The following SAMD12 variants were observed in gnomAD, a reference collection of about 807,000 sequenced individuals.
SAMD12 encodes the protein sterile alpha motif domain-containing protein 12.
A neutral mutation model predicts 15.0 loss-of-function variants in SAMD12; 9 were observed. The observed-to-expected ratio is 0.60, with a 90% CI of 0.36 to 1.05. The LOEUF is 1.05. Ranked by LOEUF, SAMD12 falls within the 50% of genes least tolerant of loss-of-function variation. The pLI, the probability that SAMD12 is intolerant of heterozygous loss-of-function variation, is 0.01. For synonymous variants in SAMD12, 86 were observed against 90.1 expected (o/e 0.96, Z 0.25); for missense variants, 230 against 234.2 (o/e 0.98, Z 0.12).
At chr8:118,374,736 G>C (rs959233948), downstream of SAMD12, among the ~76,000 whole-genome samples, 1 of 152,076 alleles carries the variant, frequency 6.6e-6, no homozygotes, top group Non-Finnish European at 1.5e-5. Context: ...GTGATGTTGA[G>C]CATCACTTCA....
intron 2 of SAMD12, among the ~76,000 whole-genome samples, chr8:118,448,996 C>T (rs1172867323): frequency 1.3e-5 from 2 of 152,112 alleles, no homozygotes; most frequent in African/African-American, 4.8e-5. Context: ...CACCGGCATC[C>T]TCTTCTGCTG....
At chr8:118,447,275 T>TTTCC (rs143452297) in intron 2 of SAMD12, among the ~76,000 whole-genome samples, 3,894 of 152,234 alleles carry the variant, frequency 0.026, 75 homozygotes, top group Middle Eastern at 0.048. Flanking sequence ...CATCCTGTTC[T>TTTCC]TTCCTTCCTT....
rs565027818 is a variant in SAMD12 at position 118,225,951 on chromosome 8, T to G, written c.434-28219A>C. On this transcript the variant is annotated intron_variant, in intron 4 of 4. Transcript: ENST00000409003. ...AGCAGCTTCGATCACCTCCTCAGGC[T>G]CTGCAGGAACTGAGTCTCAAGATAC... Among the ~76,000 whole-genome samples, 4 of 152,190 alleles carry G rather than the reference T, an allele frequency of 2.6e-5. No homozygotes were observed. The East Asian group carries it at 7.7e-4, about 29-fold the overall frequency.
chr8:118,426,656 A>T (rs2130859856), intron 3 of SAMD12, among the ~76,000 whole-genome samples: 1 of 152,346 alleles, frequency 6.6e-6, no homozygotes, highest in Non-Finnish European at 1.5e-5. Context: ...TACTATCACT[A>T]AATAAATTTT....
chr8:118,562,344 A>G (rs1166151616), intron 2 of SAMD12, among the ~76,000 whole-genome samples: 1 of 152,146 alleles, frequency 6.6e-6, no homozygotes, highest in Admixed American at 6.5e-5. Flanking sequence ...CAAGGAGGGG[A>G]ATAGTAAGAA....
At chr8:118,226,077 C>T (rs1433815524) in intron 4 of SAMD12, among the ~76,000 whole-genome samples, 1 of 152,172 alleles carries the variant, frequency 6.6e-6, no homozygotes, top group Non-Finnish European at 1.5e-5. Flanking sequence ...CTGTGTCAGG[C>T]ACTGTCCGAA....
intron 2 of SAMD12, among the ~76,000 whole-genome samples, chr8:118,494,386 T>C (rs1824540483): frequency 6.6e-6 from 1 of 152,234 alleles, no homozygotes; most frequent in Non-Finnish European, 1.5e-5. Flanking sequence ...CAGGAAAATA[T>C]ATACAACAGC....
chr8:118,183,879 C>T, the SAMD12 span, among the ~76,000 whole-genome samples: 1 of 152,178 alleles, frequency 6.6e-6, no homozygotes, highest in African/African-American at 2.4e-5. Flanking sequence ...CTCTGTATGC[C>T]TTTGCATACC....
Position 118,379,310 on chromosome 8 carries a change from T to G in SAMD12, c.*107A>C. 6.7e-7 allele frequency: 1 copy of G among 1,488,276 alleles called. No homozygotes were observed. The highest frequency in any genetic ancestry group is 8.9e-7 in the Non-Finnish European group (1 of 1,123,548). 92.2% of individuals were successfully genotyped at this position (1,488,276 alleles called of 1,614,324 possible). A position where few individuals can be genotyped will look rare whatever the true frequency, so the allele number is the denominator to read the frequency against. On this transcript the variant is annotated 3_prime_UTR_variant, in exon 4 of 4. Coordinates refer to ENST00000314727, the MANE Select transcript of SAMD12 (RefSeq NM_207506.3). ...AGTACACAATCCATACAACTGTACGTGACCACCTTGAAGTTAGCTCAGGTA... is the reference window on the plus strand; with the variant it reads ...AGTACACAATCCATACAACTGTACGGGACCACCTTGAAGTTAGCTCAGGTA...
At chr8:118,228,912 A>G (rs998220795) in intron 4 of SAMD12, among the ~76,000 whole-genome samples, 2 of 152,238 alleles carry the variant, frequency 1.3e-5, no homozygotes, top group African/African-American at 4.8e-5. Context: ...CAATGAGTGG[A>G]TAAGGAAACT....
chr8:118,410,569 T>C (rs558568057), intron 3 of SAMD12, among the ~76,000 whole-genome samples: 2 of 152,318 alleles, frequency 1.3e-5, no homozygotes, highest in East Asian at 3.9e-4. Context: ...AGGAGGAAGA[T>C]ACCCACTACA....
At chr8:118,536,844 G>A (rs1825858893) in intron 2 of SAMD12, among the ~76,000 whole-genome samples, 1 of 152,090 alleles carries the variant, frequency 6.6e-6, no homozygotes, top group African/African-American at 2.4e-5. Flanking sequence ...GTTTTTCTGT[G>A]TACTTACTAT....
Position 118,561,578 on chromosome 8 carries a change from A to G in SAMD12, c.192+19137T>C, listed in dbSNP as rs549655916. Among the ~76,000 whole-genome samples the G allele has an allele frequency of 4.6e-5, 7 of 152,334 alleles. No individual in the cohort carries two copies. In the East Asian group the frequency reaches 1.4e-3, roughly 29 times the overall value. On this transcript the variant is annotated intron_variant, in intron 2 of 3. Coordinates refer to ENST00000314727, the MANE Select transcript of SAMD12 (RefSeq NM_207506.3). ...CCTTCTTCACATGGCAGCAGCAAGG[A>G]AAAGTACAGGGTGAAGGTGGGGGAA...
Position 118,295,117 on chromosome 8 carries a change from T to C in SAMD12, c.433+84443A>G, listed in dbSNP as rs560309253. On this transcript the variant is annotated intron_variant, in intron 4 of 4. Coordinates refer to the SAMD12 transcript ENST00000409003. The stretch of plus-strand genomic sequence containing the variant: ...TACAAAGGGAATGGAACTTGTCAAT[T>C]TTTGGCATACAATTCACTTAGAATT... 2.0e-4 allele frequency among the ~76,000 whole-genome samples: 30 copies of C among 152,250 alleles called. No individual in the cohort carries two copies. The East Asian group carries it at 4.8e-3, about 24-fold the overall frequency.
At chr8:118,400,890 G>T (rs1485227834) in intron 3 of SAMD12, among the ~76,000 whole-genome samples, 1 of 152,158 alleles carries the variant, frequency 6.6e-6, no homozygotes, top group African/African-American at 2.4e-5. Context: ...ACTGATAAAT[G>T]TATTGCTATC....
At chr8:118,263,009 C>A (rs1198679953) in intron 4 of SAMD12, among the ~76,000 whole-genome samples, 1 of 152,050 alleles carries the variant, frequency 6.6e-6, no homozygotes, top group African/African-American at 2.4e-5. Context: ...CACTCTCAAA[C>A]ATATACAAAA....
intron 2 of SAMD12, among the ~76,000 whole-genome samples, chr8:118,529,499 G>A (rs1267741707): frequency 1.3e-5 from 2 of 152,174 alleles, no homozygotes; most frequent in African/African-American, 2.4e-5. Flanking sequence ...CACCCAAATA[G>A]TGTACATTGT....
At chr8:118,554,584 A>T (rs1826464203) in intron 2 of SAMD12, among the ~76,000 whole-genome samples, 1 of 151,586 alleles carries the variant, frequency 6.6e-6, no homozygotes. Flanking sequence ...CTAGATGACG[A>T]GTTACTGGGT....
intron 2 of SAMD12, among the ~76,000 whole-genome samples, chr8:118,458,219 C>T (rs1234565582): frequency 1.3e-5 from 2 of 152,170 alleles, no homozygotes; most frequent in Admixed American, 6.5e-5. Flanking sequence ...TTCTAGCTCC[C>T]GTTTTTTCTT....
Sources: allele counts gnomAD v4.1 joint callset (sites outside exome capture counted in the v4.1 genomes callset), GRCh38; gene constraint gnomAD v4.1.1; transcripts MANE v1.5; gene names NCBI Gene and HGNC (gene_info 2026-07-23, HGNC 2026-07-21).